Variants in PHF21A observed in about 807,000 individuals in gnomAD.
The protein encoded by PHF21A is BHC80a.
A neutral mutation model predicts 82.5 loss-of-function variants in PHF21A; 11 were observed. The ratio of observed to expected loss-of-function variants is 0.13; its 90% CI spans 0.08 to 0.22. The LOEUF is 0.22. Ranked by LOEUF, PHF21A falls within the 10% of genes least tolerant of loss-of-function variation. PHF21A has a pLI of 1.00. For missense variants in PHF21A, 579 were observed against 837.8 expected, an observed-to-expected ratio of 0.69 and a Z score of 3.81; for synonymous variants, 297 against 302.8, an observed-to-expected ratio of 0.98 and a Z score of 0.20.
chr11:45,965,164 A>G, intron 10 of PHF21A, 151 bp downstream of exon 10: 2 of 678,140 alleles, frequency 2.9e-6, no homozygotes, highest in South Asian at 3.9e-5. Context: ...ACCCTTCTGC[A>G]CGTGGATGAA....
chr11:46,099,326 G>T (rs544075765), intron 1 of PHF21A, among the ~76,000 whole-genome samples: 1 of 152,134 alleles, frequency 6.6e-6, no homozygotes, highest in Non-Finnish European at 1.5e-5. Context: ...AACTCCTGCT[G>T]CATCGATAGC....
intron 4 of PHF21A, among the ~76,000 whole-genome samples, chr11:46,079,515 C>T (rs564961302): frequency 1.3e-5 from 2 of 152,316 alleles, no homozygotes; most frequent in Admixed American, 1.3e-4. Flanking sequence ...CCAAACAAGG[C>T]CTGGAAAGAA....
intron 10 of PHF21A, among the ~76,000 whole-genome samples, chr11:45,959,327 A>G (rs1366285358): frequency 6.6e-6 from 1 of 152,250 alleles, no homozygotes; most frequent in Non-Finnish European, 1.5e-5. Context: ...TACCTTATAC[A>G]TATACAGTTT....
intron 11 of PHF21A, among the ~76,000 whole-genome samples, chr11:45,951,240 A>T (rs1234066606): frequency 4.6e-5 from 7 of 152,342 alleles, no homozygotes; most frequent in African/African-American, 1.4e-4. Flanking sequence ...CTTCAATTGT[A>T]AAAGACATAC....
intron 9 of PHF21A, among the ~76,000 whole-genome samples, 188 bp from the exon 10 acceptor site, chr11:45,965,796 C>T (rs1410211176): frequency 6.6e-6 from 1 of 152,116 alleles, no homozygotes; most frequent in Non-Finnish European, 1.5e-5. Flanking sequence ...GAGGTCCAAA[C>T]CTCACCCTAG....
chr11:46,119,253 A>G (rs1019440989), intron 1 of PHF21A, among the ~76,000 whole-genome samples: 1 of 152,206 alleles, frequency 6.6e-6, no homozygotes, highest in African/African-American at 2.4e-5. Context: ...GCAAAAATGC[A>G]CAACTCCTTC....
chr11:46,052,966 G>T (rs937333630), intron 6 of PHF21A, among the ~76,000 whole-genome samples: 2 of 152,134 alleles, frequency 1.3e-5, no homozygotes, highest in South Asian at 2.1e-4. Flanking sequence ...TGAAGTAGAA[G>T]AATAATTCTC....
intron 14 of PHF21A, among the ~76,000 whole-genome samples, chr11:45,947,726 G>A (rs1019853912): frequency 6.6e-6 from 1 of 151,822 alleles, no homozygotes; most frequent in Non-Finnish European, 1.5e-5. Flanking sequence ...TCTGGCTGGG[G>A]GGCTCCTTTC....
chr11:46,040,712 T>C (rs1331340571), intron 6 of PHF21A, among the ~76,000 whole-genome samples: 1 of 152,188 alleles, frequency 6.6e-6, no homozygotes, highest in Non-Finnish European at 1.5e-5. Context: ...GCATACTATG[T>C]TGGAGAGCAA....
chr11:46,056,164 A>G (rs1412599080), intron 6 of PHF21A, among the ~76,000 whole-genome samples: 2 of 152,138 alleles, frequency 1.3e-5, no homozygotes, highest in African/African-American at 4.8e-5. Context: ...TTTGAATTTC[A>G]TCTTATAAGG....
Position 45,945,921 on chromosome 11 carries a change from A to G in PHF21A, c.1371T>C (p.Pro457=). 1 of 1,612,738 alleles carries G rather than the reference A, an allele frequency of 6.2e-7. No homozygotes were observed. The highest frequency in any genetic ancestry group is 1.1e-5 in the South Asian group (1 of 91,008). ...ATGTGGTCTCTGTCTTTTCATTTTC[A>G]GGGGAGTCAGGATGACTGGATTGGG... The part of the protein sequence containing the change: ...TSPQSSHPDS[P]ENEKTETTFT... Residue 457 remains proline (P), a synonymous_variant, in exon 15 of 19, where the codon CCT becomes CCC. Transcript: ENST00000676320.
intron 6 of PHF21A, among the ~76,000 whole-genome samples, chr11:46,021,300 G>A (rs1053327531): frequency 2.0e-5 from 3 of 151,534 alleles, no homozygotes; most frequent in Admixed American, 2.0e-4. Flanking sequence ...GGTCTCAAGC[G>A]ATCCTCCTGC....
At chr11:46,109,622 C>T (rs570233558) in intron 1 of PHF21A, among the ~76,000 whole-genome samples, 13 of 152,164 alleles carry the variant, frequency 8.5e-5, no homozygotes, top group African/African-American at 2.7e-4. Flanking sequence ...AATATACACA[C>T]AAATGTACCA....
At chr11:46,037,777 G>A (rs530429194) in intron 6 of PHF21A, among the ~76,000 whole-genome samples, 1 of 151,592 alleles carries the variant, frequency 6.6e-6, no homozygotes, top group African/African-American at 2.4e-5. Context: ...AACAATACTT[G>A]AAAATTTTAG....
chr11:46,102,807 G>T (rs1284794934), intron 1 of PHF21A, among the ~76,000 whole-genome samples: 1 of 152,156 alleles, frequency 6.6e-6, no homozygotes, highest in African/African-American at 2.4e-5. Context: ...CAAAGTAGGG[G>T]GTATCCCCAC....
At chr11:46,035,837 T>C (rs1188506777) in intron 6 of PHF21A, among the ~76,000 whole-genome samples, 1 of 152,054 alleles carries the variant, frequency 6.6e-6, no homozygotes, top group Non-Finnish European at 1.5e-5. Flanking sequence ...AAAGAGAGGT[T>C]GGAGAAAGTA....
intron 6 of PHF21A, among the ~76,000 whole-genome samples, chr11:46,075,687 CA>C (rs1265627985): frequency 3.9e-5 from 6 of 152,168 alleles, no homozygotes; most frequent in Non-Finnish European, 8.8e-5. Context: ...GAATATAAAG[CA>C]GTTGTTCACT....
At chr11:45,957,372 TTA>T (rs2135687292) in intron 10 of PHF21A, among the ~76,000 whole-genome samples, 1 of 152,272 alleles carries the variant, frequency 6.6e-6, no homozygotes, top group South Asian at 2.1e-4. Flanking sequence ...CCAGGACAGA[TTA>T]TATGTTAGGC....
intron 6 of PHF21A, among the ~76,000 whole-genome samples, chr11:46,023,790 T>C (rs1055291547): frequency 2.0e-5 from 3 of 152,148 alleles, no homozygotes; most frequent in African/African-American, 4.8e-5. Context: ...ACCCTGTTTC[T>C]ACTAAAAATA....
Sources: gnomAD v4.1 joint callset for allele counts (sites outside exome capture counted in the v4.1 genomes callset) on GRCh38, gnomAD v4.1.1 for gene constraint, MANE v1.5 for transcripts, NCBI Gene and HGNC (gene_info 2026-07-23, HGNC 2026-07-21) for gene names.